The following ASIC2 variants were observed in gnomAD, a reference collection of about 807,000 sequenced individuals.
ASIC2 encodes acid sensing ion channel subunit 2.
In ASIC2, 25 loss-of-function variants were observed where a neutral mutation model predicts 57.3. The observed-to-expected ratio is 0.44, with a 90% CI of 0.32 to 0.61. The LOEUF is 0.61. Ranked by LOEUF, ASIC2 falls within the 20% of genes least tolerant of loss-of-function variation. ASIC2 has a pLI of 0.06. For missense variants in ASIC2, 641 were observed against 738.1 expected, an observed-to-expected ratio of 0.87 and a Z score of 1.52; for synonymous variants, 319 against 307.5, an observed-to-expected ratio of 1.04 and a Z score of -0.39.
intron 1 of ASIC2, among the ~76,000 whole-genome samples, chr17:33,836,718 T>C (rs550792227): frequency 1.3e-5 from 2 of 152,098 alleles, no homozygotes; most frequent in East Asian, 3.9e-4. Flanking sequence ...CTAGGTGTGG[T>C]GGCATGCGCC....
intron 1 of ASIC2, among the ~76,000 whole-genome samples, chr17:34,026,130 T>C (rs1030412455): frequency 1.2e-4 from 18 of 152,294 alleles, no homozygotes; most frequent in African/African-American, 4.3e-4. Flanking sequence ...TGTGCAATTA[T>C]TGGATTTGGA....
intron 1 of ASIC2, among the ~76,000 whole-genome samples, chr17:34,030,007 G>A (rs142609246): frequency 2.0e-5 from 3 of 152,224 alleles, no homozygotes; most frequent in African/African-American, 7.2e-5. Flanking sequence ...CTAACACAGA[G>A]CATGGTCAAC....
chr17:33,570,640 A>G (rs1451120640), intron 1 of ASIC2, among the ~76,000 whole-genome samples: 1 of 152,168 alleles, frequency 6.6e-6, no homozygotes, highest in Non-Finnish European at 1.5e-5. Flanking sequence ...CTGTGTAACC[A>G]TTTCAAAACC....
In ASIC2 at chr17:34,137,822, C is replaced by T. The variant is rs192758936; in HGVS notation, c.555+18156G>A. ...ATGTGGTGGAAGGAGGGGTGGGTCT[C>T]TCTAGGACCTCTTTATAAGGACACT... On this transcript the variant is annotated intron_variant, in intron 1 of 9. Coordinates refer to the ASIC2 transcript ENST00000359872. Among the ~76,000 whole-genome samples the T allele has an allele frequency of 3.3e-5, 5 of 152,242 alleles. No homozygotes were observed. The East Asian group carries it at 9.6e-4, about 29-fold the overall frequency.
At chr17:33,421,373 T>C (rs769156415) in intron 1 of ASIC2, among the ~76,000 whole-genome samples, 1 of 152,244 alleles carries the variant, frequency 6.6e-6, no homozygotes, top group African/African-American at 2.4e-5. Flanking sequence ...ATATCCTTGA[T>C]GATCTGTGTG....
chr17:33,111,028 G>A (rs1420432852), intron 2 of ASIC2, among the ~76,000 whole-genome samples: 1 of 152,158 alleles, frequency 6.6e-6, no homozygotes, highest in Non-Finnish European at 1.5e-5. Flanking sequence ...TTCTCTTCCT[G>A]GTGAAATTCT....
At chr17:33,871,828 G>A (rs189041650) in intron 1 of ASIC2, among the ~76,000 whole-genome samples, 65 of 152,268 alleles carry the variant, frequency 4.3e-4, no homozygotes, top group African/African-American at 1.6e-3. Context: ...AGGCAGCACT[G>A]GGCGCTGAGT....
intron 1 of ASIC2, among the ~76,000 whole-genome samples, chr17:33,221,356 T>C (rs1907686062): frequency 6.6e-6 from 1 of 152,182 alleles, no homozygotes; most frequent in Non-Finnish European, 1.5e-5. Flanking sequence ...TCAGAAACAA[T>C]GGTATAAAAC....
intron 1 of ASIC2, among the ~76,000 whole-genome samples, chr17:33,669,859 C>A (rs984756888): frequency 1.3e-5 from 2 of 152,166 alleles, no homozygotes; most frequent in Non-Finnish European, 2.9e-5. Context: ...GCAGAATTAT[C>A]AGGCACCCAT....
intron 1 of ASIC2, among the ~76,000 whole-genome samples, chr17:33,696,461 A>G (rs1908531248): frequency 6.6e-6 from 1 of 152,194 alleles, no homozygotes; most frequent in Non-Finnish European, 1.5e-5. Context: ...TTTCTTTTTT[A>G]CATATATGAG....
At chr17:33,560,410 C>A (rs1454427052) in intron 1 of ASIC2, among the ~76,000 whole-genome samples, 1 of 152,204 alleles carries the variant, frequency 6.6e-6, no homozygotes, top group Non-Finnish European at 1.5e-5. Context: ...CCCCAAAGGA[C>A]TTATGAGTTG....
At chr17:33,269,282 T>C (rs1400578656) in intron 1 of ASIC2, among the ~76,000 whole-genome samples, 2 of 152,214 alleles carry the variant, frequency 1.3e-5, no homozygotes, top group African/African-American at 2.4e-5. Context: ...TGTGGGAGAT[T>C]TGTCTCCCTG....
intron 1 of ASIC2, among the ~76,000 whole-genome samples, chr17:33,500,703 A>T (rs1914075403): frequency 6.6e-6 from 1 of 152,234 alleles, no homozygotes; most frequent in African/African-American, 2.4e-5. Flanking sequence ...TCTGAAACTT[A>T]TCCGATGATA....
chr17:33,650,450 A>T (rs1906882874), intron 1 of ASIC2, among the ~76,000 whole-genome samples: 1 of 152,220 alleles, frequency 6.6e-6, no homozygotes, highest in Admixed American at 6.5e-5. Flanking sequence ...CACGACTACC[A>T]TATGACCCAG....
chr17:33,584,816 G>C (rs1034383959), intron 1 of ASIC2, among the ~76,000 whole-genome samples: 3 of 152,100 alleles, frequency 2.0e-5, no homozygotes, highest in African/African-American at 7.2e-5. Flanking sequence ...GTGCTGAGCC[G>C]GAGAGGGGAC....
intron 1 of ASIC2, among the ~76,000 whole-genome samples, chr17:33,281,018 G>T (rs1874605): frequency 0.05 from 7,594 of 152,224 alleles, 587 homozygotes; most frequent in African/African-American, 0.16. Flanking sequence ...TACATATTTT[G>T]GAAGAAGAGA....
intron 1 of ASIC2, among the ~76,000 whole-genome samples, chr17:33,875,716 A>G (rs1914529395): frequency 6.6e-6 from 1 of 152,224 alleles, no homozygotes; most frequent in Admixed American, 6.5e-5. Context: ...TGAATATGGC[A>G]GAATAAAAAC....
chr17:33,212,430 A>G (rs1019330636), intron 1 of ASIC2, among the ~76,000 whole-genome samples: 1 of 152,196 alleles, frequency 6.6e-6, no homozygotes, highest in African/African-American at 2.4e-5. Context: ...GAAGGAATGA[A>G]TTCTTCCAGG....
chr17:33,539,937 T>C (rs906175207), intron 1 of ASIC2, among the ~76,000 whole-genome samples: 1 of 151,956 alleles, frequency 6.6e-6, no homozygotes, highest in Non-Finnish European at 1.5e-5. Context: ...GACAGCGGAG[T>C]GTTCCGGGCC....
Sources: gnomAD v4.1 joint callset for allele counts (sites outside exome capture counted in the v4.1 genomes callset) on GRCh38, gnomAD v4.1.1 for gene constraint, MANE v1.5 for transcripts, NCBI Gene and HGNC (gene_info 2026-07-23, HGNC 2026-07-21) for gene names.